Variants in ATL1 observed in about 807,000 individuals in gnomAD.
ATL1 encodes atlastin GTPase 1.
A neutral mutation model predicts 75.5 loss-of-function variants in ATL1; 31 were observed. That is an observed-to-expected ratio of 0.41 (90% confidence interval 0.31 to 0.55). The LOEUF is 0.55. Among genes scored for constraint, ATL1 ranks in the 20% least tolerant of loss-of-function variants. The pLI, the probability that ATL1 is intolerant of heterozygous loss-of-function variation, is 0.27. For missense variants in ATL1, 405 were observed against 662.6 expected (o/e 0.61, Z 4.27); for synonymous variants, 226 against 233.3 (o/e 0.97, Z 0.28).
rs573968335 is a variant in ATL1 at position 50,623,914 on chromosome 14, G to T, written c.1119+666G>T. ...AAAATAACAAAAAAAAATTAGCCAGGCCTGATGGCACGCACCTGTAATCCC... is the reference window on the plus strand; with the variant it reads ...AAAATAACAAAAAAAAATTAGCCAGTCCTGATGGCACGCACCTGTAATCCC... On this transcript the variant is annotated intron_variant, in intron 11 of 13. Coordinates refer to ENST00000358385, the MANE Select transcript of ATL1 (RefSeq NM_015915.5). 2.0e-5 allele frequency among the ~76,000 whole-genome samples: 3 copies of T among 152,104 alleles called. No homozygotes were observed. The South Asian group carries it at 6.2e-4, about 32-fold the overall frequency.
intron 1 of ATL1, among the ~76,000 whole-genome samples, chr14:50,566,144 C>T (rs2140180787): frequency 6.6e-6 from 1 of 152,190 alleles, no homozygotes; most frequent in East Asian, 1.9e-4. Flanking sequence ...ATTACAGGTG[C>T]CCGCCACCAC....
intron 1 of ATL1, chr14:50,572,232 A>C (rs570281364): frequency 4.3e-6 from 1 of 233,902 alleles, no homozygotes; most frequent in East Asian, 1.2e-4. Context: ...GGTTATACTA[A>C]TTTTATAAAA....
At chr14:50,548,884 A>T (rs2140156843) in intron 1 of ATL1, among the ~76,000 whole-genome samples, 1 of 152,282 alleles carries the variant, frequency 6.6e-6, no homozygotes, top group Admixed American at 6.5e-5. Context: ...TGTATAGGGC[A>T]TTGCAACAAG....
chr14:50,579,751 T>C (rs2039039068), intron 1 of ATL1, among the ~76,000 whole-genome samples: 1 of 152,320 alleles, frequency 6.6e-6, no homozygotes, highest in South Asian at 2.1e-4. Context: ...TCATGAGAGC[T>C]GATCGGGTAC....
At chr14:50,623,558 C>T (rs987748493) in intron 11 of ATL1, among the ~76,000 whole-genome samples, 3 of 151,360 alleles carry the variant, frequency 2.0e-5, no homozygotes, top group African/African-American at 7.3e-5. Flanking sequence ...GTGGTACCCT[C>T]GCCACTACAC....
chr14:50,548,200 C>T (rs2038658520), intron 1 of ATL1, among the ~76,000 whole-genome samples: 1 of 152,074 alleles, frequency 6.6e-6, no homozygotes, highest in African/African-American at 2.4e-5. Context: ...CAGCTTGTTC[C>T]CCAGACAGTA....
chr14:50,570,446 A>G (rs951318814), intron 1 of ATL1, among the ~76,000 whole-genome samples: 1 of 152,020 alleles, frequency 6.6e-6, no homozygotes, highest in Non-Finnish European at 1.5e-5. Context: ...TATGATCAGA[A>G]CTCACTGCAG....
rs960991551 is a variant in ATL1 at position 50,601,286 on chromosome 14, AC to A, written c.630+5655del. 3.3e-5 allele frequency among the ~76,000 whole-genome samples: 5 copies of A among 152,354 alleles called. No homozygotes were observed. The East Asian group carries it at 9.6e-4, about 29-fold the overall frequency. On this transcript the variant is annotated intron_variant, in intron 6 of 13. Transcript: ENST00000358385. ...CATATTAACTTGATTCTTTAAAAAA[AC>A]AATTTATATCAAGCTGTAATCAAGC...
At chr14:50,624,992 C>A (rs912397646) in intron 11 of ATL1, among the ~76,000 whole-genome samples, 14 of 149,352 alleles carry the variant, frequency 9.4e-5, no homozygotes, top group African/African-American at 3.4e-4. Flanking sequence ...ATCGCTTGAA[C>A]CCAGGAGGCA....
At chr14:50,546,365 G>GGTGT (rs143447484) in intron 1 of ATL1, among the ~76,000 whole-genome samples, 2 of 150,868 alleles carry the variant, frequency 1.3e-5, no homozygotes, top group South Asian at 4.2e-4. Flanking sequence ...AAAGGTACTG[G>GGTGT]GTGTGTGTGT....
At chr14:50,610,962 C>G (rs992271637) in intron 6 of ATL1, among the ~76,000 whole-genome samples, 2 of 152,090 alleles carry the variant, frequency 1.3e-5, no homozygotes, top group Non-Finnish European at 2.9e-5. Flanking sequence ...GGTGACAGTT[C>G]AGACCATCCC....
chr14:50,554,446 C>T (rs2038740766), intron 1 of ATL1, among the ~76,000 whole-genome samples: 1 of 152,160 alleles, frequency 6.6e-6, no homozygotes. Context: ...CACTCAAGGA[C>T]TTTCATGCAA....
intron 1 of ATL1, among the ~76,000 whole-genome samples, chr14:50,549,546 C>A (rs1318143728): frequency 6.6e-6 from 1 of 152,202 alleles, no homozygotes; most frequent in African/African-American, 2.4e-5. Context: ...GGGGCTACTA[C>A]TACACAACAA....
In ATL1 at chr14:50,579,090, G is replaced by C. The variant is rs373839624; in HGVS notation, c.35-8741G>C. ...GGAGTCATTTAATATTGTGGGTTTTGTCAGTTGCTTATTTGTGTCTTTTGT... is the reference window on the plus strand; with the variant it reads ...GGAGTCATTTAATATTGTGGGTTTTCTCAGTTGCTTATTTGTGTCTTTTGT... On this transcript the variant is annotated intron_variant, in intron 1 of 13. Coordinates refer to ENST00000358385, the MANE Select transcript of ATL1 (RefSeq NM_015915.5). Among the ~76,000 whole-genome samples, 11 of 152,140 alleles carry C rather than the reference G, an allele frequency of 7.2e-5. No homozygotes were observed. In the East Asian group the frequency reaches 7.7e-4, roughly 11 times the overall value.
intron 11 of ATL1, among the ~76,000 whole-genome samples, chr14:50,626,978 T>C (rs760559011): frequency 3.3e-5 from 5 of 152,232 alleles, no homozygotes; most frequent in Non-Finnish European, 7.3e-5. Flanking sequence ...TTAGAGAGGA[T>C]TGACTCCAAT....
chr14:50,612,941 T>C (rs971207333), intron 6 of ATL1, among the ~76,000 whole-genome samples: 1 of 152,186 alleles, frequency 6.6e-6, no homozygotes, highest in Non-Finnish European at 1.5e-5. Context: ...CCTAGGAACC[T>C]ATTCTACACA....
chr14:50,592,768 G>A (rs373808164), intron 4 of ATL1, among the ~76,000 whole-genome samples: 11 of 150,924 alleles, frequency 7.3e-5, no homozygotes, highest in South Asian at 6.3e-4. Flanking sequence ...AAAATTAGCC[G>A]GGCATGGTGG....
In ATL1 at chr14:50,596,947, C is replaced by T. The variant is rs186663913; in HGVS notation, c.630+1315C>T. 5.8e-3 allele frequency among the ~76,000 whole-genome samples: 877 copies of T among 152,178 alleles called. 3 individuals are homozygous for T. Among genetic ancestry groups the T allele is most frequent in the Non-Finnish European group, 0.01 (689 of 68,012 alleles). On this transcript the variant is annotated intron_variant, in intron 6 of 13. Coordinates refer to ENST00000358385, the MANE Select transcript of ATL1 (RefSeq NM_015915.5). ...AAAGTAGGCTGGGCACATTGGCTCA[C>T]ACCTGTAATCCCAGCACTTTGGGAG...
At chr14:50,539,243 T>A (rs2038531883) in intron 1 of ATL1, among the ~76,000 whole-genome samples, 1 of 152,214 alleles carries the variant, frequency 6.6e-6, no homozygotes, top group Admixed American at 6.5e-5. Context: ...AAATGGAGTG[T>A]CAGTGTAGGG....
Sources: allele counts gnomAD v4.1 joint callset (sites outside exome capture counted in the v4.1 genomes callset), GRCh38; gene constraint gnomAD v4.1.1; transcripts MANE v1.5; gene names NCBI Gene and HGNC (gene_info 2026-07-23, HGNC 2026-07-21).